RNF212: variants seen among roughly 807,000 people sequenced by gnomAD.
The protein encoded by RNF212 is probable E3 SUMO-protein ligase RNF212.
RNF212 carries 33 observed loss-of-function variants against 34.7 expected under a neutral mutation model. The ratio of observed to expected loss-of-function variants is 0.95; its 90% CI spans 0.72 to 1.27. RNF212 has a LOEUF of 1.27. Ranked by LOEUF, RNF212 falls within the 50% of genes most tolerant of loss-of-function variation. The pLI is 0.00. For missense variants in RNF212, 377 were observed against 362.2 expected, an observed-to-expected ratio of 1.04 and a Z score of -0.33; for synonymous variants, 140 against 136.1, an observed-to-expected ratio of 1.03 and a Z score of -0.20.
In RNF212 at chr4:1,072,927, C is replaced by T. The variant is rs773806144; in HGVS notation, c.841G>A (p.Ala281Thr). The change falls in exon 10 of 10, where the codon GCT becomes ACT. Residue 281 changes from alanine to threonine, a missense_variant. Coordinates refer to ENST00000433731, the MANE Select transcript of RNF212 (RefSeq NM_001131034.4). ...CAAAGAGGAAACACAACAGACACAG[C>T]GGGTGTTCTGAACGTGTCCAGGGTG... ...EGTLDTFRTP[A>T]VSVVFPLCQF... The T allele has an allele frequency of 9.9e-6, 16 of 1,613,596 alleles. No individual in the cohort carries two copies. Among genetic ancestry groups the T allele is most frequent in the East Asian group, 2.2e-5 (1 of 44,898 alleles).
chr4:1,111,627 C>T (rs1648806273), intron 1 of RNF212, among the ~76,000 whole-genome samples: 1 of 152,208 alleles, frequency 6.6e-6, no homozygotes, highest in African/African-American at 2.4e-5. Flanking sequence ...ATGTGCTCAG[C>T]TGCAGTCTCT....
chr4:1,060,919 G>A (rs1006089143), intron 3 of RNF212, among the ~76,000 whole-genome samples: 2 of 152,238 alleles, frequency 1.3e-5, no homozygotes, highest in Non-Finnish European at 2.9e-5. Flanking sequence ...ATGAGTGCTT[G>A]TTGAGGAGGA....
In RNF212 at chr4:1,110,255, T is replaced by C. The variant is rs74701499; in HGVS notation, c.110-1851A>G. On this transcript the variant is annotated intron_variant, in intron 1 of 9. Coordinates refer to ENST00000433731, the MANE Select transcript of RNF212 (RefSeq NM_001131034.4). ...ATAAAAGGCTATGAGGAGACCTGAA[T>C]AGGCATAGGAAAAAATGCAAACAGC... 1.2e-4 allele frequency among the ~76,000 whole-genome samples: 19 copies of C among 152,210 alleles called. 2 individuals carry two copies. In the East Asian group the frequency reaches 2.7e-3, roughly 22 times the overall value.
intron 5 of RNF212, among the ~76,000 whole-genome samples, chr4:1,082,170 G>T (rs1248295906): frequency 1.3e-5 from 2 of 152,150 alleles, no homozygotes; most frequent in Admixed American, 6.5e-5. Flanking sequence ...AAAGAGAAAA[G>T]AAAGAAAAAC....
intron 3 of RNF212, among the ~76,000 whole-genome samples, chr4:1,066,143 C>T (rs1718083231): frequency 6.7e-6 from 1 of 150,348 alleles, no homozygotes; most frequent in Admixed American, 6.6e-5. Context: ...GGCTGGACTC[C>T]ATCTCCTTGG....
At chr4:1,056,476 G>A in exon 5 of RNF212, 1 of 983,576 alleles carries the variant, frequency 1.0e-6, no homozygotes, top group Non-Finnish European at 1.2e-6. Context: ...ACACAACTTT[G>A]TCTTTGAAAT....
chr4:1,096,732 TCACGGAACCAAGCCA>T lies in RNF212; in HGVS notation c.246+18_246+32del. ...GTCTCGGGATAGTGCACCTGGCTCA[TCACGGAACCAAGCCA>T]CACCCCTCACAGCTCACCTGGGAGG... On this transcript the variant is annotated intron_variant, in intron 3 of 9. Transcript: ENST00000433731. The T allele has an allele frequency of 2.6e-6, 4 of 1,515,378 alleles. No homozygotes were observed. Among genetic ancestry groups the T allele is most frequent in the Non-Finnish European group, 3.7e-6 (4 of 1,090,234 alleles). The allele number at this position is 1,515,378 out of a possible 1,614,324, so 93.9% of individuals were successfully genotyped here.
chr4:1,059,963 G>A (rs985496103), intron 3 of RNF212, among the ~76,000 whole-genome samples: 6 of 151,840 alleles, frequency 4.0e-5, no homozygotes, highest in African/African-American at 7.3e-5. Context: ...GCGTGGTGGC[G>A]CATGCCTGTA....
At position 1,094,079 on chromosome 4, in the gene RNF212, T is replaced by C. The variant is rs952427475; in HGVS notation, c.246+2686A>G. ...CCAGAGGAGGACAGTCTTGGGGACC[T>C]GGCTGACCACAGCCTGAAGGCACAA... On this transcript the variant is annotated intron_variant, in intron 3 of 9. Coordinates refer to ENST00000433731, the MANE Select transcript of RNF212 (RefSeq NM_001131034.4). 6 of 1,376,674 alleles carry C rather than the reference T, an allele frequency of 4.4e-6. No individual in the cohort carries two copies. In the African/African-American group the frequency reaches 1.2e-4, roughly 26 times the overall value. 85.3% of individuals were successfully genotyped at this position (1,376,674 alleles called of 1,614,324 possible).
At chr4:1,086,251 C>T (rs1721144496) in intron 4 of RNF212, among the ~76,000 whole-genome samples, 1 of 152,098 alleles carries the variant, frequency 6.6e-6, no homozygotes, top group Non-Finnish European at 1.5e-5. Flanking sequence ...AGCACCTGGC[C>T]TCAAAGTCAC....
chr4:1,082,411 T>A (rs1720498118), intron 5 of RNF212, among the ~76,000 whole-genome samples: 1 of 152,058 alleles, frequency 6.6e-6, no homozygotes, highest in East Asian at 1.9e-4. Context: ...CACACTGAGG[T>A]GCATGACTGC....
downstream of RNF212, among the ~76,000 whole-genome samples, chr4:1,068,961 A>G (rs1003843353): frequency 3.3e-5 from 5 of 152,320 alleles, no homozygotes; most frequent in African/African-American, 9.6e-5. Context: ...CAATCCTAGC[A>G]CTTTGGGAGG....
At chr4:1,064,297 C>CGGTGTTCACCTCAGTG (rs1717945477) in intron 3 of RNF212, among the ~76,000 whole-genome samples, 1 of 152,200 alleles carries the variant, frequency 6.6e-6, no homozygotes, top group African/African-American at 2.4e-5. Flanking sequence ...GGAATTCAGT[C>CGGTGTTCACCTCAGTG]GGTGTTCACC....
At chr4:1,056,814 T>C (rs1255719896) in intron 4 of RNF212, 5 of 986,422 alleles carry the variant, frequency 5.1e-6, no homozygotes, top group Non-Finnish European at 4.8e-6. Context: ...AGCATTTTCT[T>C]CCTGAGGCTG....
intron 2 of RNF212, among the ~76,000 whole-genome samples, chr4:1,105,466 C>A (rs971014512): frequency 3.3e-5 from 5 of 152,238 alleles, no homozygotes; most frequent in Non-Finnish European, 7.3e-5. Flanking sequence ...ATAAAGATAT[C>A]TCAGGTGGTG....
chr4:1,064,792 A>C (rs1191721212), intron 3 of RNF212, among the ~76,000 whole-genome samples: 1 of 152,242 alleles, frequency 6.6e-6, no homozygotes, highest in Non-Finnish European at 1.5e-5. Context: ...AACTCCCATT[A>C]AACGAGAGCT....
chr4:1,069,382 G>C (rs1718296413), downstream of RNF212, among the ~76,000 whole-genome samples: 1 of 152,210 alleles, frequency 6.6e-6, no homozygotes. Flanking sequence ...GTGGTTGATT[G>C]TTGGGGGGTG....
intron 2 of RNF212, among the ~76,000 whole-genome samples, chr4:1,097,080 C>T (rs1222641185): frequency 6.6e-6 from 1 of 151,966 alleles, no homozygotes; most frequent in Non-Finnish European, 1.5e-5. Flanking sequence ...GGCAGAGCAG[C>T]CTGCCTGGCA....
intron 2 of RNF212, among the ~76,000 whole-genome samples, chr4:1,104,765 C>T (rs55676333): frequency 0.047 from 7,224 of 152,208 alleles, 593 homozygotes; most frequent in African/African-American, 0.17. Flanking sequence ...CCTCGGGTCC[C>T]GATTTGGCCT....
Sources: allele counts gnomAD v4.1 joint callset (sites outside exome capture counted in the v4.1 genomes callset), GRCh38; gene constraint gnomAD v4.1.1; transcripts MANE v1.5; gene names NCBI Gene and HGNC (gene_info 2026-07-23, HGNC 2026-07-21).